The following LRRC52 variants were observed in gnomAD, a reference collection of about 807,000 sequenced individuals.
LRRC52 encodes the protein leucine-rich repeat-containing protein 52.
A neutral mutation model predicts 14.7 loss-of-function variants in LRRC52; 15 were observed. That is an observed-to-expected ratio of 1.02 (90% CI 0.68 to 1.58). The LOEUF (loss-of-function observed/expected upper bound fraction) is 1.58. Among genes scored for constraint, LRRC52 ranks in the 40% most tolerant of loss-of-function variants. The pLI, the probability that LRRC52 is intolerant of heterozygous loss-of-function variation, is 0.00. For synonymous variants in LRRC52, 180 were observed against 163.9 expected (o/e 1.10, Z -0.75); for missense variants, 400 against 387.7 (o/e 1.03, Z -0.27).
rs1571115474 is a variant in LRRC52 at position 165,563,683 on chromosome 1, T to C, written c.801T>C (p.Gly267=). The change falls in exon 2 of 2, where the codon GGT becomes GGC. Residue 267 remains glycine (G), a synonymous_variant. Coordinates refer to ENST00000294818, the MANE Select transcript of LRRC52 (RefSeq NM_001005214.4). ...AAGTVAAWLT[G]VCAVLYQNTR... Reference sequence around the variant, plus strand: ...GAACTGTGGCTGCCTGGCTCACAGGTGTGTGTGCTGTGCTCTACCAGAACA... The same window carrying C: ...GAACTGTGGCTGCCTGGCTCACAGGCGTGTGTGCTGTGCTCTACCAGAACA... 2 of 1,613,900 alleles carry C rather than the reference T, an allele frequency of 1.2e-6. No individual in the cohort carries two copies. Among genetic ancestry groups the C allele is most frequent in the African/African-American group, 1.3e-5 (1 of 74,868 alleles).
At chr1:165,560,806 C>T (rs2485402) in intron 1 of LRRC52, among the ~76,000 whole-genome samples, 13,604 of 152,022 alleles carry the variant, frequency 0.089, 735 homozygotes, top group African/African-American at 0.15. Flanking sequence ...TTTAATTTAA[C>T]TGGAGCAAAG....
chr1:165,545,764 C>A (rs1661009864), intron 1 of LRRC52, among the ~76,000 whole-genome samples: 1 of 152,126 alleles, frequency 6.6e-6, no homozygotes, highest in South Asian at 2.1e-4. Context: ...CCCTCCAATT[C>A]TTCTCTCCAC....
intron 1 of LRRC52, among the ~76,000 whole-genome samples, chr1:165,545,921 T>C (rs1401135895): frequency 6.6e-6 from 1 of 151,218 alleles, no homozygotes; most frequent in African/African-American, 2.5e-5. Context: ...GTAGTTTCTG[T>C]CTTCCCTGGG....
rs1406408334 is a variant in LRRC52 at position 165,563,825 on chromosome 1, T to A, written c.*1T>A. On this transcript the variant is annotated 3_prime_UTR_variant, in exon 2 of 2. Coordinates refer to ENST00000294818, the MANE Select transcript of LRRC52 (RefSeq NM_001005214.4). The stretch of plus-strand genomic sequence containing the variant: ...CCAGGAGTTCCCTCAGCTTATTTAG[T>A]TGCCAGAGACCACTATCTTATGTGC... 6.2e-7 allele frequency: 1 copy of A among 1,612,990 alleles called. No individual in the cohort carries two copies. The highest frequency in any genetic ancestry group is 1.3e-5 in the African/African-American group (1 of 74,922).
chr1:165,554,202 G>C (rs557958855), intron 1 of LRRC52, among the ~76,000 whole-genome samples: 1 of 152,264 alleles, frequency 6.6e-6, no homozygotes, highest in African/African-American at 2.4e-5. Context: ...ATTAATGCTA[G>C]CTGTCGTTGT....
rs970751661 is a variant in LRRC52 at position 165,544,124 on chromosome 1, C to T, written c.-173C>T. ...AGCTGGGCGGCAGGGCATTGAGCCTCGCGTTTCAATTTCTGTTCAGTTCTC... is the reference window on the plus strand; with the variant it reads ...AGCTGGGCGGCAGGGCATTGAGCCTTGCGTTTCAATTTCTGTTCAGTTCTC... On this transcript the variant is annotated 5_prime_UTR_variant, in exon 1 of 2. Transcript: ENST00000294818. 2.5e-6 allele frequency: 2 copies of T among 793,794 alleles called. No homozygotes were observed. Among genetic ancestry groups the T allele is most frequent in the South Asian group, 1.9e-5 (1 of 51,982 alleles). The allele number at this position is 793,794 out of a possible 1,614,324, so 49.2% of individuals were successfully genotyped here.
At position 165,550,306 on chromosome 1, in the gene LRRC52, G is replaced by A. The variant is rs369456332; in HGVS notation, c.622+5388G>A. On this transcript the variant is annotated intron_variant, in intron 1 of 1. Transcript: ENST00000294818. ...TCATACATCCCATTCCCCTCTACCC[G>A]CAAAGTCTGCTCTAATGCTGTCCAA... Among the ~76,000 whole-genome samples the A allele has an allele frequency of 1.6e-4, 24 of 152,212 alleles. 1 individual carries two copies. The East Asian group carries it at 2.1e-3, about 13-fold the overall frequency.
chr1:165,553,229 T>G (rs1298714088), intron 1 of LRRC52, among the ~76,000 whole-genome samples: 1 of 152,138 alleles, frequency 6.6e-6, no homozygotes, highest in Non-Finnish European at 1.5e-5. Context: ...GAGCAACTCA[T>G]GTAGGACAGC....
At chr1:165,547,461 G>A (rs566290753) in intron 1 of LRRC52, among the ~76,000 whole-genome samples, 109 of 152,144 alleles carry the variant, frequency 7.2e-4, no homozygotes, top group Non-Finnish European at 1.2e-3. Flanking sequence ...TACTTCCCTT[G>A]CAAACCCAGG....
In LRRC52 at chr1:165,563,747, G is replaced by A. The variant is rs150359687; in HGVS notation, c.865G>A (p.Gly289Arg). ...GAGTGAAGAAGATGAGGACGAGGCC[G>A]GGACTAGGGTGGAAGTCAGCCGGCG... ...KSSEEDEDEA[G>R]TRVEVSRRIF... Residue 289 changes from glycine (G) to arginine (R), a missense_variant, in exon 2 of 2, where the codon GGG becomes AGG. Physicochemically the swap from Gly to Arg is moderately radical, Grantham distance 125 (BLOSUM62 -2). Coordinates refer to ENST00000294818, the MANE Select transcript of LRRC52 (RefSeq NM_001005214.4). 8.9e-4 allele frequency: 1,429 copies of A among 1,614,172 alleles called. 1 individual carries two copies. The highest frequency in any genetic ancestry group is 1.1e-3 in the Non-Finnish European group (1,338 of 1,180,026).
chr1:165,561,506 G>A (rs1020799012), intron 1 of LRRC52, among the ~76,000 whole-genome samples: 2 of 152,190 alleles, frequency 1.3e-5, no homozygotes, highest in African/African-American at 4.8e-5. Context: ...AAGCCACAGA[G>A]GTCCTCAAGC....
Position 165,544,684 on chromosome 1 carries a change from C to G in LRRC52, c.388C>G (p.Leu130Val). Reference sequence around the variant, plus strand: ...CTCGGTGCTCAGCAACCTGGTGCAGCTGAACATTGCCAACAACCCTCACCT... The same window carrying G: ...CTCGGTGCTCAGCAACCTGGTGCAGGTGAACATTGCCAACAACCCTCACCT... Reference protein sequence around the residue: ...TFSVLSNLVQLNIANNPHLLS... With the variant: ...TFSVLSNLVQVNIANNPHLLS... Residue 130 changes from leucine (L) to valine (V), a missense_variant, in exon 1 of 2, where the codon CTG (leucine) becomes GTG (valine). Transcript: ENST00000294818. 6.2e-7 allele frequency: 1 copy of G among 1,614,078 alleles called. No individual in the cohort carries two copies. The highest frequency in any genetic ancestry group is 1.1e-5 in the South Asian group (1 of 91,054).
At chr1:165,549,366 A>G (rs1273313543) in intron 1 of LRRC52, among the ~76,000 whole-genome samples, 1 of 152,202 alleles carries the variant, frequency 6.6e-6, no homozygotes, top group Non-Finnish European at 1.5e-5. Flanking sequence ...CAGGAGAAAG[A>G]CTTCACCTAC....
intron 1 of LRRC52, 59 bp from the exon 2 acceptor site, chr1:165,563,446 C>T: frequency 6.7e-7 from 1 of 1,499,460 alleles, no homozygotes; most frequent in Non-Finnish European, 9.1e-7. Context: ...CCCCTTTGGC[C>T]TTAGGACGCT....
chr1:165,552,352 A>G (rs1252038450), intron 1 of LRRC52, among the ~76,000 whole-genome samples: 2 of 152,212 alleles, frequency 1.3e-5, no homozygotes, highest in Admixed American at 1.3e-4. Flanking sequence ...CAGTTTGCTC[A>G]TCTTTAAAGG....
At chr1:165,555,605 C>T (rs1661217556) in intron 1 of LRRC52, among the ~76,000 whole-genome samples, 1 of 152,166 alleles carries the variant, frequency 6.6e-6, no homozygotes, top group Non-Finnish European at 1.5e-5. Flanking sequence ...AAAGCAAGGA[C>T]ACACATTCAG....
chr1:165,550,356 T>C (rs1337449675), intron 1 of LRRC52, among the ~76,000 whole-genome samples: 1 of 152,194 alleles, frequency 6.6e-6, no homozygotes, highest in African/African-American at 2.4e-5. Context: ...ACAGGGTAAA[T>C]AGTCTATATA....
At chr1:165,545,013 G>A (rs1205702002) in intron 1 of LRRC52, 95 bp downstream of exon 1, 5 of 1,490,720 alleles carry the variant, frequency 3.4e-6, no homozygotes, top group South Asian at 1.3e-5. Flanking sequence ...GAAAAAGTTG[G>A]GTGAAGCTGA....
chr1:165,559,849 A>C, intron 1 of LRRC52, among the ~76,000 whole-genome samples: 1 of 152,240 alleles, frequency 6.6e-6, no homozygotes, highest in African/African-American at 2.4e-5. Context: ...ATTTATACAA[A>C]CAAGTAAGAT....
Sources: allele counts gnomAD v4.1 joint callset (sites outside exome capture counted in the v4.1 genomes callset), GRCh38; gene constraint gnomAD v4.1.1; transcripts MANE v1.5; gene names NCBI Gene and HGNC (gene_info 2026-07-23, HGNC 2026-07-21).